Variants in GOLGA8K observed in about 807,000 individuals in gnomAD.
GOLGA8K encodes the protein golgin subfamily A member 8K.
Under a neutral mutation model 75.2 loss-of-function variants are expected in GOLGA8K, and 12 were observed. The observed-to-expected ratio is 0.16, with a 90% CI of 0.10 to 0.26. The LOEUF is 0.26. Ranked by LOEUF, GOLGA8K falls within the 10% of genes least tolerant of loss-of-function variation. GOLGA8K has a pLI of 1.00. For missense variants in GOLGA8K, 109 were observed against 640.8 expected, an observed-to-expected ratio of 0.17 and a Z score of 8.96; for synonymous variants, 48 against 236.6, an observed-to-expected ratio of 0.20 and a Z score of 7.32.
rs1253268984 is a variant in GOLGA8K at position 32,391,402 on chromosome 15, A to G, written c.*1380T>C. On this transcript the variant is annotated 3_prime_UTR_variant, in exon 19 of 19. Transcript: ENST00000512626. ...AACAGTAGATTGCACTGCAGTTTGTACACATTTTAAGTTTCATAAACTTCT... is the reference window on the plus strand; with the variant it reads ...AACAGTAGATTGCACTGCAGTTTGTGCACATTTTAAGTTTCATAAACTTCT... 4.1e-5 allele frequency among the ~76,000 whole-genome samples: 5 copies of G among 121,076 alleles called. No homozygotes were observed. The highest frequency in any genetic ancestry group is 1.3e-4 in the African/African-American group (5 of 37,632). The allele number at this position is 121,076 out of a possible 152,430, so 79.4% of individuals were successfully genotyped here.
intron 8 of GOLGA8K, among the ~76,000 whole-genome samples, chr15:32,398,329 A>C: frequency 6.8e-6 from 1 of 146,484 alleles, no homozygotes; most frequent in Non-Finnish European, 1.5e-5. Flanking sequence ...CGGGGCAGGC[A>C]CTTGGCCTCC....
rs557719218 is a variant in GOLGA8K, at chr15:32,397,304, C to A, written c.685G>T (p.Glu229Ter). Residue 229 changes from glutamate (E) to a stop codon, truncating the protein, a stop_gained, in exon 10 of 19, where the codon GAG becomes TAG. Coordinates refer to ENST00000512626, the MANE Select transcript of GOLGA8K (RefSeq NM_001282493.2). LOFTEE classifies it high-confidence loss of function. ...TCTAATTGGACTTGTTGAAAAGACT[C>A]CTTCAACTGCAAGAATGGGCACAGA... is the stretch of plus-strand genomic sequence containing the variant. ...LLKVQLTQLK[E>*]SFQQVQLERD... 1 of 1,578,444 alleles carries A rather than the reference C, an allele frequency of 6.3e-7. No individual in the cohort carries two copies. Among genetic ancestry groups the A allele is most frequent in the African/African-American group, 1.4e-5 (1 of 70,644 alleles).
In GOLGA8K at chr15:32,392,704, A is replaced by G; in HGVS notation, c.*78T>C. 1.4e-6 allele frequency: 1 copy of G among 714,626 alleles called. No homozygotes were observed. The highest frequency in any genetic ancestry group is 2.2e-6 in the Non-Finnish European group (1 of 459,324). 44.3% of individuals were successfully genotyped at this position (714,626 alleles called of 1,614,324 possible). On this transcript the variant is annotated 3_prime_UTR_variant, in exon 19 of 19. Coordinates refer to ENST00000512626, the MANE Select transcript of GOLGA8K (RefSeq NM_001282493.2). ...GTCTAACATTCAAAGGAAGTAAATG[A>G]ATTGTGTAGGAGATTAACCCCATAA...
Position 32,394,724 on chromosome 15 carries a change from G to T in GOLGA8K, c.1217C>A (p.Ala406Asp). The T allele has an allele frequency of 1.9e-6, 3 of 1,548,246 alleles. No individual in the cohort carries two copies. The highest frequency in any genetic ancestry group is 2.6e-6 in the Non-Finnish European group (3 of 1,145,132). Reference sequence around the variant, plus strand: ...CGTTAGCTGCTGGTTCTGCTGGCTGGCCGCTTCCAGGTGCTCCTGAGGGGC... The same window carrying T: ...CGTTAGCTGCTGGTTCTGCTGGCTGTCCGCTTCCAGGTGCTCCTGAGGGGC... ...EKLGEEHLEA[A>D]SQQNQQLTAQ... Residue 406 changes from alanine (A) to aspartate (D), a missense_variant, in exon 14 of 19, where the codon GCC becomes GAC. Transcript: ENST00000512626.
chr15:32,394,303 C>T, intron 14 of GOLGA8K, 70 bp from the exon 15 acceptor site: 1 of 641,238 alleles, frequency 1.6e-6, no homozygotes, highest in Non-Finnish European at 2.7e-6. Flanking sequence ...ACCTCTACCT[C>T]CACCCTCACT....
At chr15:32,395,629 GA>G (rs1255339743) in intron 13 of GOLGA8K, among the ~76,000 whole-genome samples, 1 of 144,870 alleles carries the variant, frequency 6.9e-6, no homozygotes, top group Non-Finnish European at 1.5e-5. Flanking sequence ...GACCTCAAGT[GA>G]TTCTCCTGCC....
In GOLGA8K at chr15:32,390,034, A is replaced by T. The variant is rs2054525967; in HGVS notation, c.*2748T>A. On this transcript the variant is annotated 3_prime_UTR_variant, in exon 19 of 19. Coordinates refer to ENST00000512626, the MANE Select transcript of GOLGA8K (RefSeq NM_001282493.2). ...TTCTGGAAAATTATCAGGTTGAATCAAATACTTTTAAAATGATTATTATAT... is the reference window on the plus strand; with the variant it reads ...TTCTGGAAAATTATCAGGTTGAATCTAATACTTTTAAAATGATTATTATAT... Among the ~76,000 whole-genome samples the T allele has an allele frequency of 1.4e-5, 1 of 72,514 alleles. No homozygotes were observed. Among genetic ancestry groups the T allele is most frequent in the African/African-American group, 4.0e-5 (1 of 24,902 alleles). 47.6% of individuals were successfully genotyped at this position (72,514 alleles called of 152,430 possible).
In GOLGA8K at chr15:32,389,885, T is replaced by C. The variant is rs1479613298; in HGVS notation, c.*2897A>G. Among the ~76,000 whole-genome samples, 1 of 98,080 alleles carries C rather than the reference T, an allele frequency of 1.0e-5. No individual in the cohort carries two copies. The highest frequency in any genetic ancestry group is 3.4e-5 in the African/African-American group (1 of 29,648). 64.3% of individuals were successfully genotyped at this position (98,080 alleles called of 152,430 possible). On this transcript the variant is annotated 3_prime_UTR_variant, in exon 19 of 19. Transcript: ENST00000512626. ...TTAAGATAGCAGTTACATTTTTTAATAGTTATATTATTTTAAAATGACTAA... is the reference window on the plus strand; with the variant it reads ...TTAAGATAGCAGTTACATTTTTTAACAGTTATATTATTTTAAAATGACTAA...
intron 1 of GOLGA8K, among the ~76,000 whole-genome samples, 194 bp from the exon 2 acceptor site, chr15:32,401,669 G>T (rs2054691123): frequency 1.2e-5 from 1 of 85,576 alleles, no homozygotes; most frequent in Non-Finnish European, 2.4e-5. Flanking sequence ...AAAGAAAAAG[G>T]CAATACTGGA....
At position 32,390,013 on chromosome 15, in the gene GOLGA8K, G is replaced by A. The variant is rs1265065268; in HGVS notation, c.*2769C>T. Among the ~76,000 whole-genome samples the A allele has an allele frequency of 3.7e-4, 28 of 75,572 alleles. No individual in the cohort carries two copies. Among genetic ancestry groups the A allele is most frequent in the Non-Finnish European group, 6.3e-4 (22 of 34,722 alleles). The allele number at this position is 75,572 out of a possible 152,430, so 49.6% of individuals were successfully genotyped here. On this transcript the variant is annotated 3_prime_UTR_variant, in exon 19 of 19. Transcript: ENST00000512626. Reference sequence around the variant, plus strand: ...AGAGCTGATTTTTTTTTTCATTTCTGGAAAATTATCAGGTTGAATCAAATA... The same window carrying A: ...AGAGCTGATTTTTTTTTTCATTTCTAGAAAATTATCAGGTTGAATCAAATA...
In GOLGA8K at chr15:32,396,416, G is replaced by C; in HGVS notation, c.1002C>G (p.Leu334=). 1 of 1,427,776 alleles carries C rather than the reference G, an allele frequency of 7.0e-7. No individual in the cohort carries two copies. Among genetic ancestry groups the C allele is most frequent in the East Asian group, 2.6e-5 (1 of 37,812 alleles). The allele number at this position is 1,427,776 out of a possible 1,614,324, so 88.4% of individuals were successfully genotyped here. A position where few individuals can be genotyped will look rare whatever the true frequency, so the allele number is the denominator to read the frequency against. Residue 334 remains leucine (L), a synonymous_variant, in exon 12 of 19, where the codon CTC becomes CTG. Transcript: ENST00000512626. ...TCCTCTCTTCTTGTCGCTGGTTCAGGAGACTTATGCGCTGATTCTTTTTGA... is the reference window on the plus strand; with the variant it reads ...TCCTCTCTTCTTGTCGCTGGTTCAGCAGACTTATGCGCTGATTCTTTTTGA... ...AQVKKNQRIS[L]LNQRQEERIQ...
chr15:32,394,276 G>A, intron 14 of GOLGA8K, 43 bp from the exon 15 acceptor site: 2 of 1,289,148 alleles, frequency 1.6e-6, no homozygotes, highest in South Asian at 2.6e-5. Context: ...ACCCAACAAG[G>A]GAGGTACTGT....
At chr15:32,397,562 C>A (rs1361044117) in intron 8 of GOLGA8K, 59 bp from the exon 9 acceptor site, 1 of 1,485,366 alleles carries the variant, frequency 6.7e-7, no homozygotes, top group Non-Finnish European at 9.3e-7. Flanking sequence ...CCACACAGTG[C>A]CCCTTAACAG....
At position 32,390,029 on chromosome 15, in the gene GOLGA8K, G is replaced by T. The variant is rs1489912302; in HGVS notation, c.*2753C>A. On this transcript the variant is annotated 3_prime_UTR_variant, in exon 19 of 19. Transcript: ENST00000512626. ...TTCATTTCTGGAAAATTATCAGGTT[G>T]AATCAAATACTTTTAAAATGATTAT... 8.5e-3 allele frequency among the ~76,000 whole-genome samples: 505 copies of T among 59,606 alleles called. No individual in the cohort carries two copies. Among genetic ancestry groups the T allele is most frequent in the Non-Finnish European group, 0.013 (328 of 26,108 alleles). The allele number at this position is 59,606 out of a possible 152,430, so 39.1% of individuals were successfully genotyped here. A position where few individuals can be genotyped will look rare whatever the true frequency, so the allele number is the denominator to read the frequency against.
intron 8 of GOLGA8K, among the ~76,000 whole-genome samples, chr15:32,398,351 C>A (rs1440647261): frequency 6.9e-6 from 1 of 145,614 alleles, no homozygotes; most frequent in Admixed American, 7.1e-5. Context: ...AGCTCTGCGT[C>A]CAGTGCTCAC....
rs547963817 is a variant in GOLGA8K, at chr15:32,394,130, G to T, written c.1365+15C>A. On this transcript the variant is annotated intron_variant, in intron 15 of 18. Coordinates refer to ENST00000512626, the MANE Select transcript of GOLGA8K (RefSeq NM_001282493.2). ...AGAAAGGTGGCAAAATGGGTGCAGG[G>T]GGAGTCAGGCTCACCATGGCCTCCC... The T allele has an allele frequency of 4.4e-5, 43 of 971,490 alleles. 6 individuals carry two copies. In the Admixed American group the frequency reaches 7.5e-4, roughly 17 times the overall value. The allele number at this position is 971,490 out of a possible 1,614,324, so 60.2% of individuals were successfully genotyped here.
rs1278055467 is a variant in GOLGA8K at position 32,394,741 on chromosome 15, C to T, written c.1201-1G>A. 3 of 1,546,430 alleles carry T rather than the reference C, an allele frequency of 1.9e-6. No homozygotes were observed. The highest frequency in any genetic ancestry group is 1.7e-6 in the Non-Finnish European group (2 of 1,143,906). ...GCTGGCTGGCCGCTTCCAGGTGCTC[C>T]TGAGGGGCCAGGACAGAGTGAGAAG... is the stretch of plus-strand genomic sequence containing the variant. On this transcript the variant is annotated splice_acceptor_variant, in intron 13 of 18. Transcript: ENST00000512626. LOFTEE classifies it high-confidence loss of function.
rs2054639591 is a variant in GOLGA8K at position 32,397,488 on chromosome 15, T to G, written c.607A>C (p.Lys203Gln). Reference protein sequence around the residue: ...KKANQLSSRSKARTEWKLEQS... With the variant: ...KKANQLSSRSQARTEWKLEQS... ...TCTAACTTCCACTCCGTACGTGCTT[T>G]GCTGCGGCTGGACAACTGGATGGTG... The change falls in exon 9 of 19, where the codon AAA becomes CAA. Residue 203 changes from lysine (K) to glutamine (Q), a missense_variant. Transcript: ENST00000512626. 1 of 1,512,654 alleles carries G rather than the reference T, an allele frequency of 6.6e-7. No individual in the cohort carries two copies. Among genetic ancestry groups the G allele is most frequent in the African/African-American group, 1.4e-5 (1 of 71,778 alleles). The allele number at this position is 1,512,654 out of a possible 1,614,324, so 93.7% of individuals were successfully genotyped here.
chr15:32,396,350 C>A lies in GOLGA8K; in HGVS notation c.1068G>T (p.Arg356Ser). Reference sequence around the variant, plus strand: ...GAAGGCTCTTGTGCTGCTCCTGAATCCTCTCCTCCTGCTTCCGAAGCCTCT... The same window carrying A: ...GAAGGCTCTTGTGCTGCTCCTGAATACTCTCCTCCTGCTTCCGAAGCCTCT... ...QEERLRKQEE[R>S]IQEQHKSLQQ... Residue 356 changes from arginine (R) to serine (S), a missense_variant, in exon 12 of 19, where the codon AGG becomes AGT. Transcript: ENST00000512626. 8.4e-7 allele frequency: 1 copy of A among 1,193,662 alleles called. No individual in the cohort carries two copies. The allele number at this position is 1,193,662 out of a possible 1,614,324, so 73.9% of individuals were successfully genotyped here.
Sources: allele counts gnomAD v4.1 joint callset (sites outside exome capture counted in the v4.1 genomes callset), GRCh38; gene constraint gnomAD v4.1.1; transcripts MANE v1.5; gene names NCBI Gene and HGNC (gene_info 2026-07-23, HGNC 2026-07-21).